Variants in INO80E observed in about 807,000 individuals in gnomAD.
INO80E encodes INO80 complex subunit E.
A neutral mutation model predicts 27.3 loss-of-function variants in INO80E; 20 were observed. The ratio of observed to expected loss-of-function variants is 0.73; its 90% confidence interval spans 0.51 to 1.06. INO80E has a LOEUF of 1.06. Among genes scored for constraint, INO80E ranks in the 50% least tolerant of loss-of-function variants. The pLI, the probability that INO80E is intolerant of heterozygous loss-of-function variation, is 0.00. For missense variants in INO80E, 357 were observed against 322.8 expected (o/e 1.11, Z -0.81); for synonymous variants, 167 against 145.9 (o/e 1.14, Z -1.04).
At chr16:29,998,642 T>G (rs1369603959) in intron 3 of INO80E, among the ~76,000 whole-genome samples, 1 of 152,202 alleles carries the variant, frequency 6.6e-6, no homozygotes, top group Non-Finnish European at 1.5e-5. Flanking sequence ...ACTAATGGCT[T>G]GAGACCCACA....
At chr16:29,999,693 G>C (rs2070276335) in intron 3 of INO80E, 1 of 152,228 alleles carries the variant, frequency 6.6e-6, no homozygotes, top group Non-Finnish European at 1.5e-5. Flanking sequence ...GACGAAATAG[G>C]TCAGTGTGCT....
rs936381442 is a variant in INO80E, at chr16:30,001,294, C to T, written c.397-120C>T. On this transcript the variant is annotated intron_variant, in intron 5 of 6. Transcript: ENST00000563197. ...CCGGCCCTTCTGTGCTCGGGAGCCC[C>T]GGGAGCCGCACTCATCACCATCTCT... 3.4e-5 allele frequency: 51 copies of T among 1,493,548 alleles called. No individual in the cohort carries two copies. In the Admixed American group the frequency reaches 4.2e-4, roughly 12 times the overall value. The allele number at this position is 1,493,548 out of a possible 1,614,324, so 92.5% of individuals were successfully genotyped here. A position where few individuals can be genotyped will look rare whatever the true frequency, so the allele number is the denominator to read the frequency against.
At chr16:29,997,645 T>G (rs2070183291) in intron 3 of INO80E, among the ~76,000 whole-genome samples, 1 of 150,320 alleles carries the variant, frequency 6.7e-6, no homozygotes, top group Admixed American at 6.7e-5. Flanking sequence ...TCCCAGCTAC[T>G]GGGGAGGCTG....
chr16:30,001,574 GGACA>G, intron 6 of INO80E, 44 bp downstream of exon 6: 3 of 1,573,528 alleles, frequency 1.9e-6, no homozygotes, highest in Non-Finnish European at 2.6e-6. Context: ...GACGGCAGGA[GGACA>G]GTCACCTGAG....
In INO80E at chr16:30,001,431, C is replaced by T; in HGVS notation, c.414C>T (p.Tyr138=). The change falls in exon 6 of 7, where the codon TAC becomes TAT. Residue 138 remains tyrosine, a synonymous_variant. Transcript: ENST00000563197. ...PYLSSLASSR[Y]PPFPSDYLAL... is the part of the protein sequence containing the mutation. ...GCCCGCAGCTGGCCTCCTCCCGCTA[C>T]CCCCCATTCCCTTCTGACTACCTGG... The T allele has an allele frequency of 1.9e-6, 3 of 1,607,360 alleles. No individual in the cohort carries two copies. Among genetic ancestry groups the T allele is most frequent in the Non-Finnish European group, 2.5e-6 (3 of 1,176,506 alleles).
chr16:29,998,831 G>T (rs1191525539), intron 3 of INO80E, among the ~76,000 whole-genome samples: 2 of 152,178 alleles, frequency 1.3e-5, no homozygotes, highest in Admixed American at 1.3e-4. Context: ...AGATCACGAG[G>T]TCAGGAGATC....
chr16:29,996,839 A>T lies in INO80E; in HGVS notation c.184A>T (p.Asn62Tyr). Residue 62 changes from asparagine to tyrosine, a missense_variant, in exon 3 of 7, where the codon AAC becomes TAC. Asn to Tyr is a moderately radical substitution (Grantham distance 143, BLOSUM62 -2). Coordinates refer to ENST00000563197, the MANE Select transcript of INO80E (RefSeq NM_173618.3). ...CCTAGACCGACTTCTGCAGTACGAG[A>T]ACGTGGATGAAGACTCTTCGGGTGA... The part of the protein sequence containing the change: ...FLLDRLLQYE[N>Y]VDEDSSDSDA... 1 of 1,614,092 alleles carries T rather than the reference A, an allele frequency of 6.2e-7. No homozygotes were observed. The highest frequency in any genetic ancestry group is 1.6e-4 in the Middle Eastern group (1 of 6,062).
chr16:30,001,504 CG>C lies in INO80E; in HGVS notation c.489del (p.Arg165AlafsTer21), dbSNP rs2070354611. The C allele has an allele frequency of 4.3e-6, 7 of 1,612,674 alleles. No individual in the cohort carries two copies. In the East Asian group the frequency reaches 6.7e-5, roughly 15 times the overall value. On this transcript the variant is annotated frameshift_variant, in exon 6 of 7. Coordinates refer to ENST00000563197, the MANE Select transcript of INO80E (RefSeq NM_173618.3). LOFTEE classifies it high-confidence loss of function. ...PSPLRPKREK[R>X]PRLPRKLKMA... ...TCCCCTGAGGCCCAAGCGGGAGAAA[CG>C]GCCCCGCCTGCCCCGGAAACTCAAG...
At chr16:29,999,167 G>A (rs1281289866) in intron 3 of INO80E, 1 of 152,226 alleles carries the variant, frequency 6.6e-6, no homozygotes, top group East Asian at 1.9e-4. Context: ...TAGGAGGATT[G>A]TAGATAAGGT....
At chr16:30,001,646 T>G in intron 6 of INO80E, 116 bp downstream of exon 6, 1 of 972,046 alleles carries the variant, frequency 1.0e-6, no homozygotes, top group Admixed American at 2.4e-5. Flanking sequence ...GGGGACCCAG[T>G]CAGCACTTAG....
At chr16:29,996,691 G>A (rs1167997630) in intron 2 of INO80E, 74 bp downstream of exon 2, 2 of 1,585,874 alleles carry the variant, frequency 1.3e-6, no homozygotes, top group African/African-American at 1.3e-5. Context: ...CCCCGAGTAG[G>A]GCCACAAGTG....
chr16:30,005,739 TACAG>T lies in INO80E; in HGVS notation c.*298_*301del. 2.0e-6 allele frequency: 1 copy of T among 503,462 alleles called. No individual in the cohort carries two copies. The highest frequency in any genetic ancestry group is 3.5e-6 in the Non-Finnish European group (1 of 285,598). 31.2% of individuals were successfully genotyped at this position (503,462 alleles called of 1,614,324 possible). ...GGCCACCTCTTTAAAAGGGCAGCTG[TACAG>T]GGCTAGGTTTTTTCAATGAAGTTTC... is the stretch of plus-strand genomic sequence containing the variant. On this transcript the variant is annotated 3_prime_UTR_variant, in exon 7 of 7. Coordinates refer to ENST00000563197, the MANE Select transcript of INO80E (RefSeq NM_173618.3).
rs867831429 is a variant in INO80E at position 30,005,258 on chromosome 16, C to T, written c.551C>T (p.Pro184Leu). Residue 184 changes from proline to leucine, a missense_variant, in exon 7 of 7, where the codon CCG (proline) becomes CTG (leucine). By Grantham distance (98) the Pro-to-Leu change is moderately conservative. Coordinates refer to ENST00000563197, the MANE Select transcript of INO80E (RefSeq NM_173618.3). The part of the protein sequence containing the change: ...VGPPDCPVGG[P>L]LTFPGRGSGA... The stretch of plus-strand genomic sequence containing the variant: ...CCCCCCGACTGCCCTGTGGGAGGGC[C>T]GCTGACCTTCCCTGGCCGGGGTTCT... 29 of 1,479,588 alleles carry T rather than the reference C, an allele frequency of 2.0e-5. No homozygotes were observed. Among genetic ancestry groups the T allele is most frequent in the Non-Finnish European group, 2.3e-5 (26 of 1,118,934 alleles). The allele number at this position is 1,479,588 out of a possible 1,614,324, so 91.7% of individuals were successfully genotyped here. A position where few individuals can be genotyped will look rare whatever the true frequency, so the allele number is the denominator to read the frequency against.
chr16:29,998,077 CAAAA>C (rs2070204377), intron 3 of INO80E, among the ~76,000 whole-genome samples: 3 of 152,034 alleles, frequency 2.0e-5, no homozygotes, highest in Admixed American at 6.6e-5. Flanking sequence ...AAGACTGTCT[CAAAA>C]GAAAGAAACC....
rs1596678170 is a variant in INO80E at position 30,002,560 on chromosome 16, G to A, written c.513+1030G>A. 3.3e-5 allele frequency: 5 copies of A among 152,712 alleles called. 1 individual carries two copies. The highest frequency in any genetic ancestry group is 3.3e-4 in the Admixed American group (5 of 15,308). 9.5% of individuals were successfully genotyped at this position (152,712 alleles called of 1,614,324 possible). A position where few individuals can be genotyped will look rare whatever the true frequency, so the allele number is the denominator to read the frequency against. On this transcript the variant is annotated intron_variant, in intron 6 of 6. Coordinates refer to ENST00000563197, the MANE Select transcript of INO80E (RefSeq NM_173618.3). ...GAGCTGCGGACCCATTTCAGAGAATGAGCATGGGAGTTCCTGGAGGACCTG... is the reference window on the plus strand; with the variant it reads ...GAGCTGCGGACCCATTTCAGAGAATAAGCATGGGAGTTCCTGGAGGACCTG...
chr16:29,997,521 C>T (rs1023594812), intron 3 of INO80E, among the ~76,000 whole-genome samples: 3 of 151,804 alleles, frequency 2.0e-5, no homozygotes, highest in Non-Finnish European at 2.9e-5. Flanking sequence ...TTTGGGAGGC[C>T]GAGGTGGGCG....
chr16:29,998,298 A>C (rs1434820027), intron 3 of INO80E, among the ~76,000 whole-genome samples: 1 of 151,976 alleles, frequency 6.6e-6, no homozygotes, highest in East Asian at 1.9e-4. Context: ...CTCAAAAAAA[A>C]AAAAAAAACA....
In INO80E at chr16:30,005,571, GA is replaced by G; in HGVS notation, c.*133del. 1 of 920,502 alleles carries G rather than the reference GA, an allele frequency of 1.1e-6. No individual in the cohort carries two copies. Among genetic ancestry groups the G allele is most frequent in the Non-Finnish European group, 1.7e-6 (1 of 597,542 alleles). The allele number at this position is 920,502 out of a possible 1,614,324, so 57.0% of individuals were successfully genotyped here. On this transcript the variant is annotated 3_prime_UTR_variant, in exon 7 of 7. Transcript: ENST00000563197. ...CATGCTCCGGCCACTGACACAACCA[GA>G]AAAGGCGTAAACATGCACGGGTGTC...
intron 5 of INO80E, 95 bp from the exon 6 acceptor site, chr16:30,001,319 T>TTTTG: frequency 6.6e-7 from 1 of 1,506,272 alleles, no homozygotes; most frequent in Admixed American, 2.1e-5. Context: ...TCACCATCTC[T>TTTTG]TTTGTTTTTC....
Sources: gnomAD v4.1 joint callset for allele counts (sites outside exome capture counted in the v4.1 genomes callset) on GRCh38, gnomAD v4.1.1 for gene constraint, MANE v1.5 for transcripts, NCBI Gene and HGNC (gene_info 2026-07-23, HGNC 2026-07-21) for gene names.